DEK: variants seen among roughly 807,000 people sequenced by gnomAD.
The protein encoded by DEK is DEK proto-oncogene.
A neutral mutation model predicts 46.8 loss-of-function variants in DEK; 28 were observed. The observed-to-expected ratio is 0.60, with a 90% CI of 0.44 to 0.82. The LOEUF is 0.82. Among genes scored for constraint, DEK ranks in the 40% least tolerant of loss-of-function variants. DEK has a pLI of 0.00. For missense variants in DEK, 416 were observed against 430.6 expected (o/e 0.97, Z 0.30); for synonymous variants, 160 against 144.5 (o/e 1.11, Z -0.77).
intron 4 of DEK, among the ~76,000 whole-genome samples, chr6:18,257,677 C>T (rs1158720818): frequency 6.6e-6 from 1 of 151,518 alleles, no homozygotes; most frequent in Non-Finnish European, 1.5e-5. Context: ...GTATTGCACA[C>T]TGTACTCCAG....
At chr6:18,241,607 A>C (rs1790898125) in intron 7 of DEK, among the ~76,000 whole-genome samples, 1 of 152,208 alleles carries the variant, frequency 6.6e-6, no homozygotes, top group Non-Finnish European at 1.5e-5. Context: ...TATGTTTTTG[A>C]AGCTCCAGAG....
chr6:18,238,207 A>T (rs999888002), intron 7 of DEK, among the ~76,000 whole-genome samples: 3 of 151,962 alleles, frequency 2.0e-5, no homozygotes, highest in Non-Finnish European at 4.4e-5. Context: ...TAACTCCTAA[A>T]ATAGTCTCTG....
chr6:18,244,724 G>A (rs1445904808), intron 7 of DEK: 2 of 378,392 alleles, frequency 5.3e-6, no homozygotes. Flanking sequence ...ATATTTCACA[G>A]AAGATTATGA....
chr6:18,246,412 T>C (rs1037335859), intron 7 of DEK, among the ~76,000 whole-genome samples: 67 of 152,188 alleles, frequency 4.4e-4, no homozygotes, highest in Admixed American at 2.7e-3. Context: ...AGGAAAAGAA[T>C]TGCAAAACTA....
chr6:18,259,830 C>A (rs116129034), intron 2 of DEK, among the ~76,000 whole-genome samples: 1 of 152,138 alleles, frequency 6.6e-6, no homozygotes, highest in East Asian at 1.9e-4. Flanking sequence ...TGTAAGGATT[C>A]GCACAGAAAG....
At chr6:18,255,356 AT>A (rs1165946971) in intron 6 of DEK, among the ~76,000 whole-genome samples, 3 of 152,022 alleles carry the variant, frequency 2.0e-5, no homozygotes, top group Admixed American at 6.6e-5. Flanking sequence ...TATACTCCCT[AT>A]TTTGTCTTCA....
intron 9 of DEK, among the ~76,000 whole-genome samples, chr6:18,229,363 G>T (rs1289837978): frequency 6.6e-6 from 1 of 152,188 alleles, no homozygotes; most frequent in African/African-American, 2.4e-5. Flanking sequence ...CGCCAGCAAT[G>T]GAACAAAGCT....
At chr6:18,241,694 A>C (rs549730103) in intron 7 of DEK, among the ~76,000 whole-genome samples, 106 of 152,344 alleles carry the variant, frequency 7.0e-4, no homozygotes, top group Middle Eastern at 3.4e-3. Flanking sequence ...TTTTCTTTGA[A>C]GTGCCAGATA....
intron 7 of DEK, among the ~76,000 whole-genome samples, chr6:18,239,863 C>T (rs997118215): frequency 1.3e-5 from 2 of 152,068 alleles, no homozygotes; most frequent in Non-Finnish European, 2.9e-5. Context: ...CCTAAAAATT[C>T]TTAAGTTCTT....
At position 18,259,057 on chromosome 6, in the gene DEK, G is replaced by A. The variant is rs1176951591; in HGVS notation, c.146-652C>T. On this transcript the variant is annotated intron_variant, in intron 2 of 10. Coordinates refer to ENST00000652689, the MANE Select transcript of DEK (RefSeq NM_003472.4). ...TAGTCACAAAAATCTACGGTGAGGC[G>A]CGGTGGCTCATGCCTGTAATCCCAG... 7.2e-5 allele frequency among the ~76,000 whole-genome samples: 11 copies of A among 151,892 alleles called. 1 individual carries two copies. Among genetic ancestry groups the A allele is most frequent in the South Asian group, 6.2e-4 (3 of 4,808 alleles).
intron 7 of DEK, among the ~76,000 whole-genome samples, chr6:18,246,174 C>A (rs986835558): frequency 2.0e-5 from 3 of 152,204 alleles, no homozygotes; most frequent in Non-Finnish European, 4.4e-5. Flanking sequence ...TAGGAACCAG[C>A]TGATTTTCAT....
chr6:18,245,241 C>T lies in DEK; in HGVS notation c.762+4410G>A, dbSNP rs928573105. 3.3e-5 allele frequency among the ~76,000 whole-genome samples: 5 copies of T among 152,304 alleles called. No individual in the cohort carries two copies. In the South Asian group the frequency reaches 1.0e-3, roughly 32 times the overall value. On this transcript the variant is annotated intron_variant, in intron 7 of 10. Transcript: ENST00000652689. The stretch of plus-strand genomic sequence containing the variant: ...ATGAATACAATGTCTAAAGGTAAAA[C>T]AACCACCTTGTGATCATGAAGTTAA...
chr6:18,252,767 G>C (rs1004519632), intron 6 of DEK, among the ~76,000 whole-genome samples: 2 of 152,092 alleles, frequency 1.3e-5, no homozygotes, highest in East Asian at 3.9e-4. Context: ...GTTGACATTT[G>C]TACTAATTGC....
chr6:18,261,606 A>G (rs1400797024), intron 2 of DEK, among the ~76,000 whole-genome samples: 1 of 152,078 alleles, frequency 6.6e-6, no homozygotes, highest in Non-Finnish European at 1.5e-5. Context: ...CAGAAAAACA[A>G]AAACCAAACA....
chr6:18,244,088 C>T (rs1334225301), intron 7 of DEK, among the ~76,000 whole-genome samples: 1 of 152,112 alleles, frequency 6.6e-6, no homozygotes, highest in African/African-American at 2.4e-5. Context: ...AAAATACTCA[C>T]AATGGTTAAC....
chr6:18,255,780 A>AG lies in DEK; in HGVS notation c.523dup (p.Leu175ProfsTer23). ...TAAGAAATTCAAGATCCTCTTCACT[A>AG]GTTCACTATTTACACCTGATCTCTC... is the stretch of plus-strand genomic sequence containing the variant. On this transcript the variant is annotated frameshift_variant, in exon 6 of 11. Coordinates refer to ENST00000652689, the MANE Select transcript of DEK (RefSeq NM_003472.4). LOFTEE classifies it high-confidence loss of function. The AG allele has an allele frequency of 1.2e-6, 2 of 1,612,758 alleles. No individual in the cohort carries two copies. The highest frequency in any genetic ancestry group is 1.7e-6 in the Non-Finnish European group (2 of 1,179,722).
intron 7 of DEK, among the ~76,000 whole-genome samples, chr6:18,246,064 C>A (rs894131819): frequency 6.6e-6 from 1 of 152,218 alleles, no homozygotes; most frequent in Non-Finnish European, 1.5e-5. Context: ...AACTAAACTC[C>A]TTTAAAATTA....
rs1483560375 is a variant in DEK at position 18,256,346 on chromosome 6, A to G, written c.452+15T>C. On this transcript the variant is annotated intron_variant, in intron 5 of 10. Coordinates refer to ENST00000652689, the MANE Select transcript of DEK (RefSeq NM_003472.4). ...GCATATTGATCAAAATACAGTATTT[A>G]TAAAAATAACTTACTTTTTCAACAT... 5 of 1,585,264 alleles carry G rather than the reference A, an allele frequency of 3.2e-6. No homozygotes were observed. The highest frequency in any genetic ancestry group is 4.3e-6 in the Non-Finnish European group (5 of 1,159,344).
chr6:18,264,103 A>C, intron 1 of DEK, 107 bp from the exon 2 acceptor site: 1 of 1,048,306 alleles, frequency 9.5e-7, no homozygotes. Context: ...CCTGCCCTGA[A>C]AGTTGCCTCC....
Sources: gnomAD v4.1 joint callset for allele counts (sites outside exome capture counted in the v4.1 genomes callset) on GRCh38, gnomAD v4.1.1 for gene constraint, MANE v1.5 for transcripts, NCBI Gene and HGNC (gene_info 2026-07-23, HGNC 2026-07-21) for gene names.